RBFOX1: variants seen among roughly 807,000 people sequenced by gnomAD.
RBFOX1 encodes the protein RNA binding protein fox-1 homolog 1.
A neutral mutation model predicts 57.7 loss-of-function variants in RBFOX1; 8 were observed. That is an observed-to-expected ratio of 0.14 (90% confidence interval 0.08 to 0.25). The LOEUF is 0.25. Ranked by LOEUF, RBFOX1 falls within the 10% of genes least tolerant of loss-of-function variation. RBFOX1 has a pLI of 1.00. For missense variants in RBFOX1, 611 were observed against 548.5 expected (o/e 1.11, Z -1.14); for synonymous variants, 326 against 222.4 (o/e 1.47, Z -4.15).
intron 10 of RBFOX1, among the ~76,000 whole-genome samples, chr16:7,620,969 TC>T (rs1454195622): frequency 6.6e-6 from 1 of 152,102 alleles, no homozygotes; most frequent in Non-Finnish European, 1.5e-5. Context: ...TCCTATGTAA[TC>T]CCTAGCAATT....
At chr16:7,035,177 C>T (rs887591244) in intron 3 of RBFOX1, among the ~76,000 whole-genome samples, 7 of 151,890 alleles carry the variant, frequency 4.6e-5, no homozygotes, top group African/African-American at 1.7e-4. Context: ...AATGAGTTTC[C>T]AGGTGATGCC....
At chr16:6,957,717 C>T (rs1019174324) in intron 3 of RBFOX1, among the ~76,000 whole-genome samples, 12 of 152,122 alleles carry the variant, frequency 7.9e-5, no homozygotes, top group African/African-American at 2.9e-4. Context: ...GTCTCAGCGT[C>T]ATTTTACCCA....
chr16:6,658,919 T>G (rs1386663806), intron 3 of RBFOX1, among the ~76,000 whole-genome samples: 5 of 142,778 alleles, frequency 3.5e-5, no homozygotes, highest in Non-Finnish European at 7.6e-5. Flanking sequence ...TTTGTTTTTT[T>G]GTTTTTTGGT....
At chr16:7,684,531 T>G (rs1349101254) in intron 14 of RBFOX1, among the ~76,000 whole-genome samples, 1 of 152,058 alleles carries the variant, frequency 6.6e-6, no homozygotes, top group African/African-American at 2.4e-5. Flanking sequence ...TCATTTAGAT[T>G]GAAATGCTTT....
chr16:6,712,008 G>A (rs754369680), intron 3 of RBFOX1, among the ~76,000 whole-genome samples: 12 of 151,992 alleles, frequency 7.9e-5, no homozygotes, highest in Admixed American at 2.0e-4. Context: ...TTGTTATCTC[G>A]CTCTCTTTCT....
At chr16:7,508,236 C>T (rs936824309) in intron 4 of RBFOX1, among the ~76,000 whole-genome samples, 4 of 152,110 alleles carry the variant, frequency 2.6e-5, no homozygotes, top group African/African-American at 9.7e-5. Flanking sequence ...CCTCGGCCTT[C>T]CTAAGTGCTG....
At chr16:5,981,675 G>A (rs996951024) in intron 4 of RBFOX1, among the ~76,000 whole-genome samples, 3 of 152,100 alleles carry the variant, frequency 2.0e-5, no homozygotes, top group Non-Finnish European at 2.9e-5. Flanking sequence ...CACCATATTG[G>A]TCAGTCTGGT....
chr16:6,063,564 C>T (rs1001880098), intron 1 of RBFOX1, among the ~76,000 whole-genome samples: 12 of 151,988 alleles, frequency 7.9e-5, no homozygotes, highest in East Asian at 1.9e-4. Flanking sequence ...TGTTAACACC[C>T]ACCACCAAAA....
chr16:6,355,877 AGC>A (rs2087226061), intron 2 of RBFOX1, among the ~76,000 whole-genome samples: 1 of 152,218 alleles, frequency 6.6e-6, no homozygotes, highest in Non-Finnish European at 1.5e-5. Flanking sequence ...AATGATCAGG[AGC>A]AACTTCTATT....
At chr16:6,299,666 C>T (rs2078571304) in intron 1 of RBFOX1, among the ~76,000 whole-genome samples, 1 of 152,158 alleles carries the variant, frequency 6.6e-6, no homozygotes, top group African/African-American at 2.4e-5. Context: ...TCAGAGATCC[C>T]TAATGGATCC....
intron 3 of RBFOX1, among the ~76,000 whole-genome samples, chr16:6,957,367 G>C (rs1258996397): frequency 6.6e-6 from 1 of 151,990 alleles, no homozygotes; most frequent in East Asian, 1.9e-4. Flanking sequence ...TCCTGACTTC[G>C]TGATCTGCCT....
chr16:6,948,218 G>C (rs986969948), intron 3 of RBFOX1, among the ~76,000 whole-genome samples: 2 of 151,984 alleles, frequency 1.3e-5, no homozygotes, highest in African/African-American at 4.8e-5. Flanking sequence ...GATGGCTTGA[G>C]CTGAGGCATT....
chr16:6,034,851 G>A (rs560508242), intron 1 of RBFOX1, among the ~76,000 whole-genome samples: 1 of 152,220 alleles, frequency 6.6e-6, no homozygotes, highest in East Asian at 1.9e-4. Flanking sequence ...TGGGGGCTGA[G>A]AGACCTCAGG....
intron 2 of RBFOX1, among the ~76,000 whole-genome samples, chr16:6,648,840 A>G (rs2098554152): frequency 6.6e-6 from 1 of 152,128 alleles, no homozygotes; most frequent in South Asian, 2.1e-4. Context: ...ATTTATGTAA[A>G]CTGACAAAAG....
chr16:6,339,076 G>A (rs577876291), intron 2 of RBFOX1, among the ~76,000 whole-genome samples: 21 of 152,266 alleles, frequency 1.4e-4, no homozygotes, highest in African/African-American at 4.8e-4. Context: ...AAATGTATGT[G>A]CATGCAGTGA....
chr16:6,394,294 TTA>T (rs1319880371), intron 2 of RBFOX1, among the ~76,000 whole-genome samples: 1 of 152,228 alleles, frequency 6.6e-6, no homozygotes, highest in African/African-American at 2.4e-5. Context: ...ATTGTGGAGA[TTA>T]ATTAGTTTCT....
At chr16:6,090,218 A>T (rs932841720) in intron 1 of RBFOX1, 4 of 152,154 alleles carry the variant, frequency 2.6e-5, no homozygotes, top group Admixed American at 2.6e-4. Context: ...TTGTGACTAC[A>T]TTGGGCCCAC....
At chr16:7,349,459 C>T (rs752523950) in intron 4 of RBFOX1, among the ~76,000 whole-genome samples, 1 of 152,186 alleles carries the variant, frequency 6.6e-6, no homozygotes, top group Non-Finnish European at 1.5e-5. Flanking sequence ...ATGGATCGGG[C>T]TTGCCAATGG....
intron 2 of RBFOX1, among the ~76,000 whole-genome samples, chr16:5,494,792 G>A (rs2042946245): frequency 6.6e-6 from 1 of 152,170 alleles, no homozygotes; most frequent in South Asian, 2.1e-4. Context: ...CATCTGGGGT[G>A]GATCAACTAA....
Sources: gnomAD v4.1 joint callset for allele counts (sites outside exome capture counted in the v4.1 genomes callset) on GRCh38, gnomAD v4.1.1 for gene constraint, MANE v1.5 for transcripts, NCBI Gene and HGNC (gene_info 2026-07-23, HGNC 2026-07-21) for gene names.